THOC5: variants seen among roughly 807,000 people sequenced by gnomAD.
The protein encoded by THOC5 is THO complex subunit 5.
A neutral mutation model predicts 92.9 loss-of-function variants in THOC5; 43 were observed. That is an observed-to-expected ratio of 0.46 (90% CI 0.36 to 0.60). The LOEUF (loss-of-function observed/expected upper bound fraction) is 0.60. Ranked by LOEUF, THOC5 falls within the 20% of genes least tolerant of loss-of-function variation. The pLI, the probability that THOC5 is intolerant of heterozygous loss-of-function variation, is 0.00. For synonymous variants in THOC5, 296 were observed against 320.1 expected, an observed-to-expected ratio of 0.92 and a Z score of 0.80; for missense variants, 659 against 849.4, an observed-to-expected ratio of 0.78 and a Z score of 2.79.
intron 12 of THOC5, among the ~76,000 whole-genome samples, chr22:29,524,196 C>T (rs951279144): frequency 1.3e-5 from 2 of 152,198 alleles, no homozygotes; most frequent in African/African-American, 2.4e-5. Context: ...TTGCTGACTT[C>T]GAATCATAAT....
intron 17 of THOC5, among the ~76,000 whole-genome samples, chr22:29,516,155 A>AAG (rs926804156): frequency 6.6e-6 from 1 of 151,922 alleles, no homozygotes; most frequent in African/African-American, 2.4e-5. Flanking sequence ...CTGAAAAAAA[A>AAG]AAAAAAAAGG....
chr22:29,553,525 G>C (rs1051635972), intron 1 of THOC5, 146 bp downstream of exon 1: 5 of 152,544 alleles, frequency 3.3e-5, no homozygotes, highest in East Asian at 1.9e-4. Flanking sequence ...GCGCAGCGCC[G>C]AGAGGCCGGG....
rs887594664 is a variant in THOC5 at position 29,531,889 on chromosome 22, G to A, written c.789C>T (p.His263=). 1.2e-6 allele frequency: 2 copies of A among 1,614,182 alleles called. No individual in the cohort carries two copies. Among genetic ancestry groups the A allele is most frequent in the Non-Finnish European group, 1.7e-6 (2 of 1,180,046 alleles). Residue 263 remains histidine (H), a synonymous_variant, in exon 8 of 20, where the codon CAC becomes CAT. Coordinates refer to ENST00000490103, the MANE Select transcript of THOC5 (RefSeq NM_003678.5). ...QAHKQYETAR[H]LPPPLYVLFV... ...AGAGGACATAGAGGGGAGGCGGCAG[G>A]TGTCTGGCTGTCTCATACTGCTTGT...
chr22:29,526,468 C>G (rs2063547021), intron 11 of THOC5, among the ~76,000 whole-genome samples: 1 of 151,752 alleles, frequency 6.6e-6, no homozygotes, highest in Non-Finnish European at 1.5e-5. Flanking sequence ...GGAGGTGGAG[C>G]TTGCAGTGAG....
chr22:29,541,472 C>T (rs1417001920), intron 5 of THOC5, among the ~76,000 whole-genome samples: 7 of 139,762 alleles, frequency 5.0e-5, no homozygotes, highest in Admixed American at 3.0e-4. Context: ...TGTGCCACCA[C>T]ACCAGCCTGG....
intron 15 of THOC5, among the ~76,000 whole-genome samples, chr22:29,517,935 G>C (rs1362128441): frequency 1.3e-5 from 2 of 152,244 alleles, no homozygotes; most frequent in Non-Finnish European, 2.9e-5. Context: ...CAGTGCTCTG[G>C]AGAGATCGGC....
At chr22:29,547,067 C>T (rs1463224993) in intron 2 of THOC5, among the ~76,000 whole-genome samples, 1 of 152,098 alleles carries the variant, frequency 6.6e-6, no homozygotes, top group Admixed American at 6.5e-5. Flanking sequence ...TGGTCTCAAA[C>T]TCCTGACCTC....
At chr22:29,520,239 G>T (rs2063414738) in intron 13 of THOC5, 135 bp from the exon 14 acceptor site, 1 of 642,224 alleles carries the variant, frequency 1.6e-6, no homozygotes. Context: ...CAGCCAGGCT[G>T]CTGGCAAAGC....
intron 2 of THOC5, 55 bp downstream of exon 2, chr22:29,548,997 T>C: frequency 1.3e-6 from 2 of 1,569,778 alleles, no homozygotes; most frequent in Non-Finnish European, 1.7e-6. Context: ...CACAGCCAGG[T>C]GCTTGGCCAT....
intron 5 of THOC5, among the ~76,000 whole-genome samples, chr22:29,541,893 A>AAAT (rs2063903112): frequency 1.3e-5 from 1 of 74,164 alleles, no homozygotes; most frequent in Non-Finnish European, 2.3e-5. Flanking sequence ...AAAAAAAAAA[A>AAAT]ATATATATAT....
Position 29,508,214 on chromosome 22 carries a change from TG to T in THOC5, c.*242del. 3.6e-6 allele frequency: 2 copies of T among 551,584 alleles called. No homozygotes were observed. The highest frequency in any genetic ancestry group is 6.4e-6 in the Non-Finnish European group (2 of 310,142). The allele number at this position is 551,584 out of a possible 1,614,324, so 34.2% of individuals were successfully genotyped here. ...GAATCTTTTTCCACTCTGCTTTTAT[TG>T]GCTGCTGAGAAAAAGTCTCTCTACA... is the stretch of plus-strand genomic sequence containing the variant. On this transcript the variant is annotated 3_prime_UTR_variant, in exon 20 of 20. Coordinates refer to ENST00000490103, the MANE Select transcript of THOC5 (RefSeq NM_003678.5).
At chr22:29,553,195 G>A (rs1228625635) in intron 1 of THOC5, among the ~76,000 whole-genome samples, 2 of 152,146 alleles carry the variant, frequency 1.3e-5, no homozygotes, top group African/African-American at 4.8e-5. Flanking sequence ...CTATGACCCT[G>A]CCAAATCCCC....
At chr22:29,521,926 G>A (rs2063449226) in intron 12 of THOC5, among the ~76,000 whole-genome samples, 1 of 152,088 alleles carries the variant, frequency 6.6e-6, no homozygotes, top group Non-Finnish European at 1.5e-5. Context: ...GCCCCAGCAT[G>A]CCTTCAGGAA....
intron 2 of THOC5, 37 bp downstream of exon 2, chr22:29,549,015 A>C (rs1241617553): frequency 3.1e-6 from 5 of 1,603,670 alleles, no homozygotes; most frequent in Middle Eastern, 3.4e-4. Flanking sequence ...CATGAGATGT[A>C]ATTTCTCAGC....
chr22:29,521,064 A>G lies in THOC5; in HGVS notation c.1211T>C (p.Leu404Ser). 1 of 1,614,200 alleles carries G rather than the reference A, an allele frequency of 6.2e-7. No homozygotes were observed. The highest frequency in any genetic ancestry group is 1.1e-5 in the South Asian group (1 of 91,086). The part of the protein sequence containing the change: ...LLSPDSVLSC[L>S]YPGDHGKKTP... ...TTTCTTTCCATGATCCCCAGGATACAAGCAACTCAGGACTGAGTCAGGAGA... is the reference window on the plus strand; with the variant it reads ...TTTCTTTCCATGATCCCCAGGATACGAGCAACTCAGGACTGAGTCAGGAGA... The change falls in exon 13 of 20, where the codon TTG (leucine) becomes TCG (serine). Residue 404 changes from leucine to serine, a missense_variant. Leu to Ser is a moderately radical substitution (Grantham distance 145). Transcript: ENST00000490103.
rs545383761 is a variant in THOC5 at position 29,507,353 on chromosome 22, C to T, written c.*1104G>A. 6.6e-6 allele frequency: 1 copy of T among 152,206 alleles called. No homozygotes were observed. Among genetic ancestry groups the T allele is most frequent in the South Asian group, 2.1e-4 (1 of 4,806 alleles). The allele number at this position is 152,206 out of a possible 1,614,324, so 9.4% of individuals were successfully genotyped here. A position where few individuals can be genotyped will look rare whatever the true frequency, so the allele number is the denominator to read the frequency against. On this transcript the variant is annotated 3_prime_UTR_variant, in exon 20 of 20. Transcript: ENST00000490103. ...CTTAATAGTAGATATATATTTTCTT[C>T]CTTATGGCTTTCTTATTTATTTATT...
At position 29,552,029 on chromosome 22, in the gene THOC5, G is replaced by A. The variant is rs188952379; in HGVS notation, c.-12+1642C>T. 7.6e-3 allele frequency among the ~76,000 whole-genome samples: 1,161 copies of A among 152,152 alleles called. 10 individuals carry two copies. Among genetic ancestry groups the A allele is most frequent in the Middle Eastern group, 0.014 (4 of 294 alleles). Reference sequence around the variant, plus strand: ...CTCCAGCTCCTGACCGCGAGTGATCGGCCAGCCTCGGCCTCCCGAGGTGCC... The same window carrying A: ...CTCCAGCTCCTGACCGCGAGTGATCAGCCAGCCTCGGCCTCCCGAGGTGCC... On this transcript the variant is annotated intron_variant, in intron 1 of 19. Transcript: ENST00000490103.
intron 7 of THOC5, among the ~76,000 whole-genome samples, chr22:29,534,271 G>A (rs1034905791): frequency 3.3e-5 from 5 of 152,178 alleles, no homozygotes; most frequent in African/African-American, 1.2e-4. Context: ...TTACTGGGGT[G>A]TGAGGGAAGA....
chr22:29,512,813 A>G (rs1293144072), intron 17 of THOC5, among the ~76,000 whole-genome samples: 3 of 152,358 alleles, frequency 2.0e-5, no homozygotes, highest in South Asian at 4.1e-4. Context: ...GAACTGGCTG[A>G]TATCAAAGCT....
Sources: gnomAD v4.1 joint callset for allele counts (sites outside exome capture counted in the v4.1 genomes callset) on GRCh38, gnomAD v4.1.1 for gene constraint, MANE v1.5 for transcripts, NCBI Gene and HGNC (gene_info 2026-07-23, HGNC 2026-07-21) for gene names.